TGS1: variants seen among roughly 807,000 people sequenced by gnomAD.
The protein encoded by TGS1 is trimethylguanosine synthase.
Under a neutral mutation model 92.2 loss-of-function variants are expected in TGS1, and 69 were observed. The ratio of observed to expected loss-of-function variants is 0.75; its 90% CI spans 0.62 to 0.91. TGS1 has a LOEUF of 0.91. Ranked by LOEUF, TGS1 falls within the 40% of genes least tolerant of loss-of-function variation. TGS1 has a pLI of 0.00. For missense variants in TGS1, 1,062 were observed against 1,001.2 expected (o/e 1.06, Z -0.82); for synonymous variants, 345 against 338.1 (o/e 1.02, Z -0.22).
intron 1 of TGS1, among the ~76,000 whole-genome samples, chr8:55,776,382 G>T (rs149639403): frequency 6.7e-6 from 1 of 149,116 alleles, no homozygotes; most frequent in Non-Finnish European, 1.5e-5. Context: ...CTGGGTTCAC[G>T]CCATTCTCCT....
At position 55,824,949 on chromosome 8, in the gene TGS1, C is replaced by T. The variant is rs1296571181; in HGVS notation, c.*246C>T. 5.5e-6 allele frequency: 2 copies of T among 364,938 alleles called. No individual in the cohort carries two copies. Among genetic ancestry groups the T allele is most frequent in the Admixed American group, 4.5e-5 (1 of 22,380 alleles). 22.6% of individuals were successfully genotyped at this position (364,938 alleles called of 1,614,324 possible). A position where few individuals can be genotyped will look rare whatever the true frequency, so the allele number is the denominator to read the frequency against. ...AATTTATTTTTTTTTGAGACAGGAT[C>T]TCACTTTTACCGCCCAGGCTGGAGT... is the stretch of plus-strand genomic sequence containing the variant. On this transcript the variant is annotated 3_prime_UTR_variant, in exon 13 of 13. Transcript: ENST00000260129.
At chr8:55,819,958 G>C (rs1311531682) in intron 12 of TGS1, among the ~76,000 whole-genome samples, 1 of 152,204 alleles carries the variant, frequency 6.6e-6, no homozygotes, top group Non-Finnish European at 1.5e-5. Context: ...TATTTCAGAT[G>C]CTTGCTGCTG....
Position 55,824,609 on chromosome 8 carries a change from A to G in TGS1, c.2468A>G (p.Gln823Arg). 5 of 1,614,234 alleles carry G rather than the reference A, an allele frequency of 3.1e-6. No individual in the cohort carries two copies. The highest frequency in any genetic ancestry group is 4.2e-6 in the Non-Finnish European group (5 of 1,180,038). ...QVASLAGPGG[Q>R]VEIEQNFLNN... is the part of the protein sequence containing the mutation. ...GCATCCTTAGCTGGGCCTGGAGGGC[A>G]AGTGGAAATAGAACAGAACTTCCTT... is the stretch of plus-strand genomic sequence containing the variant. Residue 823 changes from glutamine to arginine, a missense_variant, in exon 13 of 13, where the codon CAA becomes CGA. By Grantham distance (43) the Gln-to-Arg change is conservative. Coordinates refer to ENST00000260129, the MANE Select transcript of TGS1 (RefSeq NM_024831.8).
chr8:55,821,910 C>A (rs1325655861), intron 12 of TGS1, among the ~76,000 whole-genome samples: 1 of 150,716 alleles, frequency 6.6e-6, no homozygotes, highest in African/African-American at 2.4e-5. Flanking sequence ...ATTTATAGTA[C>A]CTTTATTTTT....
intron 6 of TGS1, among the ~76,000 whole-genome samples, chr8:55,795,267 A>G (rs753832154): frequency 6.6e-6 from 1 of 152,170 alleles, no homozygotes; most frequent in Admixed American, 6.5e-5. Flanking sequence ...ACCCAATTCT[A>G]CTTAAAAGAG....
At position 55,817,296 on chromosome 8, in the gene TGS1, GTAGA is replaced by G. The variant is rs371016262; in HGVS notation, c.2439+4190_2439+4193del. ...ATACTTTATTTTGGTAGGTAGGTAA[GTAGA>G]TAGATAGATAGGTCGATAGGAATGA... On this transcript the variant is annotated intron_variant, in intron 12 of 12. Coordinates refer to ENST00000260129, the MANE Select transcript of TGS1 (RefSeq NM_024831.8). 3.9e-4 allele frequency among the ~76,000 whole-genome samples: 59 copies of G among 152,260 alleles called. No individual in the cohort carries two copies. The East Asian group carries it at 6.0e-3, about 15-fold the overall frequency.
intron 11 of TGS1, among the ~76,000 whole-genome samples, chr8:55,811,851 G>A (rs7007714): frequency 0.13 from 19,288 of 152,166 alleles, 1,289 homozygotes; most frequent in South Asian, 0.16. Context: ...TAAAAAGCAG[G>A]TATGTAAAAA....
chr8:55,777,891 GA>G (rs569700940), intron 1 of TGS1, among the ~76,000 whole-genome samples: 1,153 of 114,314 alleles, frequency 0.01, 8 homozygotes, highest in South Asian at 0.014. Context: ...ACAAATGTCA[GA>G]ATAATTTAAA....
intron 4 of TGS1, 112 bp from the exon 5 acceptor site, chr8:55,790,070 A>G (rs759307122): frequency 8.0e-5 from 59 of 740,664 alleles, no homozygotes; most frequent in Non-Finnish European, 1.3e-4. Context: ...TTTGATGCAC[A>G]TGTACAGTTC....
chr8:55,778,023 G>A (rs1468907228), intron 1 of TGS1, among the ~76,000 whole-genome samples: 1 of 151,982 alleles, frequency 6.6e-6, no homozygotes, highest in Non-Finnish European at 1.5e-5. Context: ...AGTAATCCAA[G>A]TACTTCAGGA....
chr8:55,787,117 A>T, intron 4 of TGS1, 57 bp downstream of exon 4: 1 of 1,241,564 alleles, frequency 8.1e-7, no homozygotes, highest in Non-Finnish European at 1.1e-6. Flanking sequence ...GAATTCATTT[A>T]GCAAAATAAC....
In TGS1 at chr8:55,810,887, C is replaced by CCATTG; in HGVS notation, c.2151_2155dup (p.Asp719AlafsTer21). Reference sequence around the variant, plus strand: ...TTTCTTTTCCCACTTTTAGTGATTGCCATTGATATCGATCCTGTTAAGATT... The same window carrying CCATTG: ...TTTCTTTTCCCACTTTTAGTGATTGCCATTGCATTGATATCGATCCTGTTAAGATT... On this transcript the variant is annotated frameshift_variant, in exon 11 of 13. Transcript: ENST00000260129. LOFTEE classifies it high-confidence loss of function. 2 of 1,613,510 alleles carry CCATTG rather than the reference C, an allele frequency of 1.2e-6. No individual in the cohort carries two copies. The highest frequency in any genetic ancestry group is 2.2e-5 in the South Asian group (2 of 91,062).
rs1193444699 is a variant in TGS1 at position 55,814,673 on chromosome 8, AAATATATAT to A, written c.2439+1557_2439+1565del. On this transcript the variant is annotated intron_variant, in intron 12 of 12. Coordinates refer to ENST00000260129, the MANE Select transcript of TGS1 (RefSeq NM_024831.8). ...CCGTCTCTACTTAAAAAAAAAAAAA[AAATATATAT>A]ATATATATATATATATGTACACACA... 1.1e-4 allele frequency among the ~76,000 whole-genome samples: 15 copies of A among 134,556 alleles called. No homozygotes were observed. In the South Asian group the frequency reaches 3.1e-3, roughly 28 times the overall value. 88.3% of individuals were successfully genotyped at this position (134,556 alleles called of 152,430 possible).
chr8:55,814,115 T>G lies in TGS1; in HGVS notation c.2439+997T>G, dbSNP rs180765985. Among the ~76,000 whole-genome samples, 673 of 152,122 alleles carry G rather than the reference T, an allele frequency of 4.4e-3. 3 individuals carry two copies. Among genetic ancestry groups the G allele is most frequent in the African/African-American group, 0.016 (647 of 41,492 alleles). On this transcript the variant is annotated intron_variant, in intron 12 of 12. Coordinates refer to ENST00000260129, the MANE Select transcript of TGS1 (RefSeq NM_024831.8). ...GGTACACAGCACCATGCCCAGCTAG[T>G]TTTTTTATTTTTTATAGAGATGAGG...
At chr8:55,774,736 T>G (rs902656450) in intron 1 of TGS1, among the ~76,000 whole-genome samples, 6 of 152,216 alleles carry the variant, frequency 3.9e-5, no homozygotes, top group Non-Finnish European at 8.8e-5. Flanking sequence ...ACATTATTAC[T>G]TGGTTGATTA....
At chr8:55,788,339 T>G (rs1811778679) in intron 4 of TGS1, among the ~76,000 whole-genome samples, 1 of 152,238 alleles carries the variant, frequency 6.6e-6, no homozygotes, top group Non-Finnish European at 1.5e-5. Flanking sequence ...AGCTGACAGT[T>G]TCTAAAGAGC....
intron 1 of TGS1, among the ~76,000 whole-genome samples, chr8:55,781,437 A>G (rs1811559867): frequency 6.6e-6 from 1 of 152,220 alleles, no homozygotes; most frequent in Non-Finnish European, 1.5e-5. Flanking sequence ...GTAACCTTCA[A>G]CAAGGGGAAT....
intron 2 of TGS1, among the ~76,000 whole-genome samples, chr8:55,784,379 A>T (rs1471614903): frequency 6.6e-6 from 1 of 152,084 alleles, no homozygotes; most frequent in Non-Finnish European, 1.5e-5. Context: ...TGAGAGAGAG[A>T]GAGGGTCTTG....
In TGS1 at chr8:55,812,517, T is replaced by TA. The variant is rs1803366238; in HGVS notation, c.2361-522dup. Among the ~76,000 whole-genome samples the TA allele has an allele frequency of 5.1e-5, 6 of 118,246 alleles. No individual in the cohort carries two copies. In the Admixed American group the frequency reaches 5.3e-4, roughly 10 times the overall value. The allele number at this position is 118,246 out of a possible 152,430, so 77.6% of individuals were successfully genotyped here. On this transcript the variant is annotated intron_variant, in intron 11 of 12. Transcript: ENST00000260129. Reference sequence around the variant, plus strand: ...TCTCAAAAAAAAAAAAAAAAAAAATTACAGTGTAAATTAGCTGGGCATGTG... The same window carrying TA: ...TCTCAAAAAAAAAAAAAAAAAAAATTAACAGTGTAAATTAGCTGGGCATGTG...
Sources: gnomAD v4.1 joint callset for allele counts (sites outside exome capture counted in the v4.1 genomes callset) on GRCh38, gnomAD v4.1.1 for gene constraint, MANE v1.5 for transcripts, NCBI Gene and HGNC (gene_info 2026-07-23, HGNC 2026-07-21) for gene names.